Variants in NDST3 observed in about 807,000 individuals in gnomAD.
NDST3 encodes N-deacetylase and N-sulfotransferase 3.
Under a neutral mutation model 96.1 loss-of-function variants are expected in NDST3, and 58 were observed. That is an observed-to-expected ratio of 0.60 (90% CI 0.49 to 0.75). NDST3 has a LOEUF of 0.75. Ranked by LOEUF, NDST3 falls within the 30% of genes least tolerant of loss-of-function variation. The pLI is 0.00. For synonymous variants in NDST3, 333 were observed against 359.7 expected, an observed-to-expected ratio of 0.93 and a Z score of 0.84; for missense variants, 788 against 1,034.2, an observed-to-expected ratio of 0.76 and a Z score of 3.27.
intron 9 of NDST3, among the ~76,000 whole-genome samples, chr4:118,236,311 T>C (rs1255560243): frequency 6.6e-6 from 1 of 152,254 alleles, no homozygotes; most frequent in East Asian, 1.9e-4. Flanking sequence ...AATAAAATTC[T>C]ACATTTCAGT....
At chr4:118,065,146 C>T (rs367871138) in intron 2 of NDST3, among the ~76,000 whole-genome samples, 13 of 151,854 alleles carry the variant, frequency 8.6e-5, no homozygotes, top group African/African-American at 3.1e-4. Context: ...GATTTCTTGG[C>T]GGGGGAGGTA....
rs556787015 is a variant in NDST3 at position 118,208,770 on chromosome 4, C to A, written c.1540-15721C>A. Among the ~76,000 whole-genome samples, 57 of 144,674 alleles carry A rather than the reference C, an allele frequency of 3.9e-4. 8 individuals carry two copies. Among genetic ancestry groups the A allele is most frequent in the African/African-American group, 1.4e-3 (55 of 39,300 alleles). The allele number at this position is 144,674 out of a possible 152,430, so 94.9% of individuals were successfully genotyped here. A position where few individuals can be genotyped will look rare whatever the true frequency, so the allele number is the denominator to read the frequency against. On this transcript the variant is annotated intron_variant, in intron 6 of 13. Coordinates refer to ENST00000296499, the MANE Select transcript of NDST3 (RefSeq NM_004784.3). ...TCAAAATTTGTCAACACTTCACAAA[C>A]CCCTTCATTAGAGGGGCTGTCTTAA...
chr4:118,052,645 T>G lies in NDST3; in HGVS notation c.-155-1111T>G, dbSNP rs1357367398. On this transcript the variant is annotated intron_variant, in intron 1 of 13. Coordinates refer to ENST00000296499, the MANE Select transcript of NDST3 (RefSeq NM_004784.3). ...CAGGAAATATGTGTTTGTTTCCCAT[T>G]AGTTCAACTATCTGAGAAAAAATAT... 1.3e-5 allele frequency among the ~76,000 whole-genome samples: 2 copies of G among 151,988 alleles called. 1 individual carries two copies. The highest frequency in any genetic ancestry group is 6.3e-3 in the Middle Eastern group (2 of 316).
intron 6 of NDST3, among the ~76,000 whole-genome samples, chr4:118,223,068 AT>A (rs2125993675): frequency 6.6e-6 from 1 of 152,134 alleles, no homozygotes; most frequent in Admixed American, 6.6e-5. Context: ...TTAAAATTGT[AT>A]TTAAAAAAAT....
chr4:118,076,847 CGTTTTGAG>C (rs1327975214), intron 2 of NDST3, among the ~76,000 whole-genome samples: 1 of 152,152 alleles, frequency 6.6e-6, no homozygotes. Context: ...CTACTTCAGT[CGTTTTGAG>C]GTAAGAGGGC....
chr4:118,206,911 G>A (rs751030672), intron 6 of NDST3, among the ~76,000 whole-genome samples: 1 of 143,026 alleles, frequency 7.0e-6, no homozygotes, highest in Non-Finnish European at 1.5e-5. Flanking sequence ...GTGAAGTGAT[G>A]CATATACCAA....
At chr4:118,091,653 G>A (rs1728874968) in intron 2 of NDST3, among the ~76,000 whole-genome samples, 1 of 151,632 alleles carries the variant, frequency 6.6e-6, no homozygotes, top group Non-Finnish European at 1.5e-5. Context: ...TTCACTCACT[G>A]AGGGAATGGA....
intron 2 of NDST3, among the ~76,000 whole-genome samples, chr4:118,087,936 T>C (rs1379850723): frequency 6.6e-6 from 1 of 152,088 alleles, no homozygotes; most frequent in Admixed American, 6.6e-5. Flanking sequence ...TTGGAGACTA[T>C]CTCTCATAAC....
chr4:118,121,973 T>C (rs193013183), intron 4 of NDST3, among the ~76,000 whole-genome samples: 277 of 152,328 alleles, frequency 1.8e-3, no homozygotes, highest in Middle Eastern at 0.01. Flanking sequence ...GAAGACTCCA[T>C]ACTCTCTAAC....
intron 2 of NDST3, among the ~76,000 whole-genome samples, chr4:118,077,973 C>G (rs1727687145): frequency 6.6e-6 from 1 of 152,174 alleles, no homozygotes; most frequent in Admixed American, 6.5e-5. Flanking sequence ...GAAGATCACT[C>G]CCCTTGGACT....
rs185876122 is a variant in NDST3 at position 118,053,717 on chromosome 4, C to T, written c.-155-39C>T. The T allele has an allele frequency of 1.6e-3, 884 of 565,850 alleles. 1 individual carries two copies. Among genetic ancestry groups the T allele is most frequent in the Non-Finnish European group, 1.6e-3 (564 of 342,288 alleles). The allele number at this position is 565,850 out of a possible 1,614,324, so 35.1% of individuals were successfully genotyped here. On this transcript the variant is annotated intron_variant, in intron 1 of 13. Transcript: ENST00000296499. Reference sequence around the variant, plus strand: ...AGATAAAAACTTGCTTATTTTAATGCTGCAAACTGACTGTTTTATATTCTT... The same window carrying T: ...AGATAAAAACTTGCTTATTTTAATGTTGCAAACTGACTGTTTTATATTCTT...
chr4:118,193,456 C>T (rs1305255292), intron 6 of NDST3: 3 of 740,570 alleles, frequency 4.1e-6, no homozygotes, highest in Non-Finnish European at 6.7e-6. Flanking sequence ...TGCTCTTCTG[C>T]TCCTCCATCT....
At chr4:118,116,132 T>G (rs1731073423) in intron 4 of NDST3, among the ~76,000 whole-genome samples, 3 of 152,176 alleles carry the variant, frequency 2.0e-5, no homozygotes, top group African/African-American at 7.2e-5. Context: ...TAATAGAAAG[T>G]GCTAAAACTC....
intron 7 of NDST3, among the ~76,000 whole-genome samples, chr4:118,225,396 G>A (rs1357890021): frequency 1.3e-5 from 2 of 152,090 alleles, no homozygotes; most frequent in East Asian, 1.9e-4. Flanking sequence ...TATGTCAGAC[G>A]GGGCACTTGA....
At chr4:118,141,602 G>C (rs902914835) in intron 5 of NDST3, among the ~76,000 whole-genome samples, 1 of 152,162 alleles carries the variant, frequency 6.6e-6, no homozygotes, top group Non-Finnish European at 1.5e-5. Flanking sequence ...GAATCAGCTA[G>C]GCAATCAAGT....
At chr4:118,229,030 G>A (rs1232644245) in intron 8 of NDST3, among the ~76,000 whole-genome samples, 1 of 152,172 alleles carries the variant, frequency 6.6e-6, no homozygotes, top group East Asian at 1.9e-4. Context: ...GCCAGGCGTG[G>A]TGGCTCATGC....
intron 4 of NDST3, among the ~76,000 whole-genome samples, chr4:118,118,464 C>T (rs1173182508): frequency 3.9e-5 from 6 of 152,304 alleles, no homozygotes; most frequent in African/African-American, 1.4e-4. Flanking sequence ...TTTACAGCCA[C>T]ATACCTGCTA....
intron 6 of NDST3, among the ~76,000 whole-genome samples, chr4:118,181,896 C>G (rs1044776776): frequency 6.6e-6 from 1 of 151,962 alleles, no homozygotes; most frequent in African/African-American, 2.4e-5. Context: ...TAAAATAAAC[C>G]AAAATTTTAA....
intron 6 of NDST3, among the ~76,000 whole-genome samples, chr4:118,176,728 T>C (rs1213848619): frequency 2.0e-5 from 3 of 152,066 alleles, no homozygotes; most frequent in Admixed American, 6.6e-5. Flanking sequence ...CACTAATTGA[T>C]AGAACAAAAA....
Sources: gnomAD v4.1 joint callset for allele counts (sites outside exome capture counted in the v4.1 genomes callset) on GRCh38, gnomAD v4.1.1 for gene constraint, MANE v1.5 for transcripts, NCBI Gene and HGNC (gene_info 2026-07-23, HGNC 2026-07-21) for gene names.